The following ADGRL2 variants were observed in gnomAD, a reference collection of about 807,000 sequenced individuals.
ADGRL2 encodes adhesion G protein-coupled receptor L2.
ADGRL2 carries 44 observed loss-of-function variants against 157.4 expected under a neutral mutation model. That is an observed-to-expected ratio of 0.28 (90% CI 0.22 to 0.36). ADGRL2 has a LOEUF of 0.36. Among genes scored for constraint, ADGRL2 ranks in the 10% least tolerant of loss-of-function variants. The pLI, the probability that ADGRL2 is intolerant of heterozygous loss-of-function variation, is 1.00. For synonymous variants in ADGRL2, 585 were observed against 624.7 expected, an observed-to-expected ratio of 0.94 and a Z score of 0.95; for missense variants, 1,510 against 1,768.9, an observed-to-expected ratio of 0.85 and a Z score of 2.63.
At chr1:81,525,325 T>C (rs1004347086) in intron 2 of ADGRL2, among the ~76,000 whole-genome samples, 1 of 120,120 alleles carries the variant, frequency 8.3e-6, no homozygotes, top group Non-Finnish European at 1.9e-5. Context: ...CAAAGTGCAC[T>C]TTTTTTTTTT....
chr1:81,622,231 C>T (rs752451574), intron 3 of ADGRL2, among the ~76,000 whole-genome samples: 4 of 152,200 alleles, frequency 2.6e-5, no homozygotes, highest in Admixed American at 6.5e-5. Context: ...TCCATTATTC[C>T]GCTGGTCTTA....
chr1:81,654,432 T>C (rs1285584639), intron 3 of ADGRL2, among the ~76,000 whole-genome samples: 1 of 152,194 alleles, frequency 6.6e-6, no homozygotes, highest in Non-Finnish European at 1.5e-5. Flanking sequence ...ATTTAATGAC[T>C]GTTGCGGTGA....
At chr1:81,581,967 C>A (rs2080924142) in intron 3 of ADGRL2, among the ~76,000 whole-genome samples, 1 of 151,636 alleles carries the variant, frequency 6.6e-6, no homozygotes, top group Admixed American at 6.6e-5. Flanking sequence ...ACACCTATAA[C>A]CCTAGAACTT....
At chr1:81,838,899 C>A (rs1241587256) in intron 2 of ADGRL2, among the ~76,000 whole-genome samples, 1 of 151,730 alleles carries the variant, frequency 6.6e-6, no homozygotes, top group Non-Finnish European at 1.5e-5. Context: ...TTCCCTCCTA[C>A]GGGTAAAAAG....
intron 2 of ADGRL2, among the ~76,000 whole-genome samples, chr1:81,564,319 C>T (rs1570516450): frequency 6.6e-6 from 1 of 152,288 alleles, no homozygotes; most frequent in Admixed American, 6.5e-5. Context: ...GAATTGGGTT[C>T]TCTAAGTCAG....
At chr1:81,805,126 T>C (rs2088920241) in intron 1 of ADGRL2, among the ~76,000 whole-genome samples, 1 of 152,152 alleles carries the variant, frequency 6.6e-6, no homozygotes, top group South Asian at 2.1e-4. Flanking sequence ...TCAGTTGGTT[T>C]ATTTTAAAAA....
At chr1:81,373,565 G>T (rs1570758256) in intron 1 of ADGRL2, among the ~76,000 whole-genome samples, 1 of 152,156 alleles carries the variant, frequency 6.6e-6, no homozygotes, top group African/African-American at 2.4e-5. Flanking sequence ...GGTTCATCAG[G>T]GAAATATAAC....
At chr1:81,948,055 A>G (rs911933240) in intron 6 of ADGRL2, among the ~76,000 whole-genome samples, 1 of 151,986 alleles carries the variant, frequency 6.6e-6, no homozygotes, top group Non-Finnish European at 1.5e-5. Flanking sequence ...CGTCTCTGCT[A>G]AAAATACAAA....
intron 1 of ADGRL2, among the ~76,000 whole-genome samples, chr1:81,812,292 A>C (rs1455380802): frequency 1.3e-5 from 2 of 151,762 alleles, no homozygotes; most frequent in African/African-American, 4.8e-5. Flanking sequence ...TGTTTTATTA[A>C]AATATTTTTT....
intron 1 of ADGRL2, among the ~76,000 whole-genome samples, chr1:81,824,283 T>C (rs1276927641): frequency 6.6e-6 from 1 of 152,170 alleles, no homozygotes; most frequent in Non-Finnish European, 1.5e-5. Flanking sequence ...TATTTATTCA[T>C]TTATTTATAG....
At chr1:81,583,871 TCTTAA>T (rs138737815) in intron 3 of ADGRL2, among the ~76,000 whole-genome samples, 25,926 of 152,048 alleles carry the variant, frequency 0.17, 2,704 homozygotes, top group East Asian at 0.29. Context: ...CAAGTTATTC[TCTTAA>T]CTTGACTTGC....
chr1:81,665,718 T>C (rs2082738235), intron 3 of ADGRL2, among the ~76,000 whole-genome samples: 1 of 152,192 alleles, frequency 6.6e-6, no homozygotes, highest in Admixed American at 6.5e-5. Flanking sequence ...AACAGCAATG[T>C]AGGTAACCCT....
intron 3 of ADGRL2, among the ~76,000 whole-genome samples, chr1:81,637,463 A>G (rs2082136544): frequency 6.6e-6 from 1 of 152,158 alleles, no homozygotes; most frequent in African/African-American, 2.4e-5. Context: ...GCACAGCTGA[A>G]AAACAACTGA....
chr1:81,941,083 G>C (rs996405132), intron 4 of ADGRL2, among the ~76,000 whole-genome samples: 2 of 151,334 alleles, frequency 1.3e-5, no homozygotes, highest in African/African-American at 4.8e-5. Context: ...TATGTAAATT[G>C]ATGATGGTAG....
At chr1:81,613,448 A>T (rs2081582355) in intron 3 of ADGRL2, among the ~76,000 whole-genome samples, 1 of 152,202 alleles carries the variant, frequency 6.6e-6, no homozygotes. Context: ...ATATAGAGAT[A>T]ACCCAGAAGA....
intron 2 of ADGRL2, among the ~76,000 whole-genome samples, chr1:81,788,148 C>A (rs1190605286): frequency 6.6e-6 from 1 of 152,116 alleles, no homozygotes; most frequent in Non-Finnish European, 1.5e-5. Context: ...GCACAAGATA[C>A]TTTGCCTTGG....
intron 2 of ADGRL2, among the ~76,000 whole-genome samples, chr1:81,468,974 A>C (rs957740929): frequency 6.6e-6 from 1 of 152,178 alleles, no homozygotes; most frequent in African/African-American, 2.4e-5. Flanking sequence ...TTTGATGTGG[A>C]TTATTAATAA....
chr1:81,449,757 A>T (rs1442006901), intron 2 of ADGRL2, among the ~76,000 whole-genome samples: 1 of 151,968 alleles, frequency 6.6e-6, no homozygotes, highest in Non-Finnish European at 1.5e-5. Context: ...ATGTACCACC[A>T]TTTTTGTATT....
In ADGRL2 at chr1:81,427,244, G is replaced by A. The variant is rs2077234381; in HGVS notation, c.-301-17792G>A. On this transcript the variant is annotated intron_variant, in intron 1 of 24. Transcript: ENST00000370721. ...AGGAGGCTATGCTGGTGGAGGTGGT[G>A]GCAGCGGAAATAGTTATGAAGGAGG... 1.1e-5 allele frequency: 8 copies of A among 760,852 alleles called. No individual in the cohort carries two copies. The Admixed American group carries it at 1.2e-4, about 11-fold the overall frequency. The allele number at this position is 760,852 out of a possible 1,614,324, so 47.1% of individuals were successfully genotyped here.
Sources: allele counts gnomAD v4.1 joint callset (sites outside exome capture counted in the v4.1 genomes callset), GRCh38; gene constraint gnomAD v4.1.1; transcripts MANE v1.5; gene names NCBI Gene and HGNC (gene_info 2026-07-23, HGNC 2026-07-21).